The following NR3C2 variants were observed in gnomAD, a reference collection of about 807,000 sequenced individuals.
The protein encoded by NR3C2 is nuclear receptor subfamily 3 group C member 2.
NR3C2 carries 15 observed loss-of-function variants against 86.4 expected under a neutral mutation model. The observed-to-expected ratio is 0.17, with a 90% CI of 0.12 to 0.27. The LOEUF is 0.27. Among genes scored for constraint, NR3C2 ranks in the 10% least tolerant of loss-of-function variants. The probability of loss-of-function intolerance (pLI) is 1.00; values close to 1 mark genes in which losing one functional copy is unlikely to be tolerated. For synonymous variants in NR3C2, 458 were observed against 450.5 expected, an observed-to-expected ratio of 1.02 and a Z score of -0.21; for missense variants, 960 against 1,195.6, an observed-to-expected ratio of 0.80 and a Z score of 2.91.
chr4:148,239,478 T>C (rs1032774250), intron 3 of NR3C2, among the ~76,000 whole-genome samples: 8 of 152,120 alleles, frequency 5.3e-5, no homozygotes, highest in African/African-American at 1.9e-4. Context: ...CTGCCTCTGG[T>C]TGAAGGCTAT....
At chr4:148,279,786 C>T (rs549769291) in intron 2 of NR3C2, among the ~76,000 whole-genome samples, 5 of 152,000 alleles carry the variant, frequency 3.3e-5, no homozygotes, top group South Asian at 4.2e-4. Context: ...AGTGCAATGG[C>T]GTGATCTTGG....
intron 2 of NR3C2, among the ~76,000 whole-genome samples, chr4:148,319,958 T>G (rs1743468433): frequency 6.8e-6 from 1 of 146,434 alleles, no homozygotes; most frequent in Non-Finnish European, 1.5e-5. Flanking sequence ...CTTGTGCCAG[T>G]TTTCAAAGGG....
In NR3C2 at chr4:148,205,680, G is replaced by A. The variant is rs143538189; in HGVS notation, c.1898-10818C>T. 2.8e-3 allele frequency among the ~76,000 whole-genome samples: 434 copies of A among 152,320 alleles called. 5 individuals are homozygous for A. Among genetic ancestry groups the A allele is most frequent in the African/African-American group, 0.01 (418 of 41,586 alleles). ...ACTCATAATCCAGTGTGGGAGAGTG[G>A]CTCCTAAGCAAATTAAGCCCTGGGG... On this transcript the variant is annotated intron_variant, in intron 3 of 8. Coordinates refer to ENST00000358102, the MANE Select transcript of NR3C2 (RefSeq NM_000901.5).
chr4:148,250,482 C>T (rs1739524523), intron 3 of NR3C2, among the ~76,000 whole-genome samples: 1 of 152,148 alleles, frequency 6.6e-6, no homozygotes. Flanking sequence ...TCCATTGCTA[C>T]TGAGGGCCCA....
intron 6 of NR3C2, among the ~76,000 whole-genome samples, chr4:148,130,819 G>T (rs7673832): frequency 0.21 from 22,674 of 107,804 alleles, 3,752 homozygotes; most frequent in Non-Finnish European, 0.28. Flanking sequence ...GTTTTGTTTT[G>T]TTTTTTTTTT....
At chr4:148,368,052 G>A (rs772362071) in intron 2 of NR3C2, among the ~76,000 whole-genome samples, 7 of 151,936 alleles carry the variant, frequency 4.6e-5, no homozygotes, top group South Asian at 2.1e-4. Context: ...TCCCTTGGGC[G>A]CCACCATCCA....
chr4:148,102,282 C>G (rs370153724), intron 8 of NR3C2, among the ~76,000 whole-genome samples: 15 of 152,330 alleles, frequency 9.8e-5, no homozygotes, highest in African/African-American at 3.6e-4. Context: ...CCATCCACTC[C>G]CAGCTTCAGT....
intron 6 of NR3C2, among the ~76,000 whole-genome samples, chr4:148,126,395 G>T (rs1392149762): frequency 6.6e-6 from 1 of 152,144 alleles, no homozygotes; most frequent in Non-Finnish European, 1.5e-5. Context: ...CCAAGAAGGA[G>T]TCAAGTCTTA....
At chr4:148,353,125 C>G (rs1428136570) in intron 2 of NR3C2, among the ~76,000 whole-genome samples, 1 of 152,024 alleles carries the variant, frequency 6.6e-6, no homozygotes, top group African/African-American at 2.4e-5. Flanking sequence ...TAAGTAGACT[C>G]AATCTCAAAA....
At chr4:148,096,356 A>C (rs1437741166) in intron 8 of NR3C2, among the ~76,000 whole-genome samples, 1 of 152,234 alleles carries the variant, frequency 6.6e-6, no homozygotes, top group Non-Finnish European at 1.5e-5. Flanking sequence ...AATGTACACT[A>C]TGCTGAGCAA....
intron 4 of NR3C2, among the ~76,000 whole-genome samples, chr4:148,185,624 T>C (rs536978004): frequency 6.6e-6 from 1 of 152,326 alleles, no homozygotes; most frequent in South Asian, 2.1e-4. Flanking sequence ...TCGCATCTTC[T>C]AGCTACCCAA....
intron 2 of NR3C2, among the ~76,000 whole-genome samples, chr4:148,301,230 A>G (rs1330714661): frequency 1.3e-5 from 2 of 152,308 alleles, no homozygotes; most frequent in East Asian, 1.9e-4. Flanking sequence ...ATTAAAAAAA[A>G]GAGCTCTAAT....
chr4:148,082,876 T>C (rs1051119444), intron 8 of NR3C2, among the ~76,000 whole-genome samples: 1 of 151,826 alleles, frequency 6.6e-6, no homozygotes, highest in African/African-American at 2.4e-5. Context: ...TGCTCGAGCT[T>C]GGTGGGGGAA....
At chr4:148,354,021 T>C (rs1271023291) in intron 2 of NR3C2, among the ~76,000 whole-genome samples, 1 of 152,126 alleles carries the variant, frequency 6.6e-6, no homozygotes, top group East Asian at 1.9e-4. Flanking sequence ...ATTATACTGC[T>C]AGACATGTAC....
intron 2 of NR3C2, among the ~76,000 whole-genome samples, chr4:148,429,721 G>A (rs1749712527): frequency 6.6e-6 from 1 of 152,156 alleles, no homozygotes; most frequent in African/African-American, 2.4e-5. Context: ...TTAAAATGAA[G>A]ACGCTATCCA....
intron 2 of NR3C2, among the ~76,000 whole-genome samples, chr4:148,420,760 C>T (rs577756983): frequency 1.6e-4 from 24 of 152,150 alleles, no homozygotes; most frequent in Non-Finnish European, 2.5e-4. Context: ...GCACCATTCC[C>T]TTGCTGCTGT....
intron 2 of NR3C2, among the ~76,000 whole-genome samples, chr4:148,433,137 C>T (rs11730626): frequency 0.89 from 135,296 of 152,146 alleles, 60,251 homozygotes; most frequent in Middle Eastern, 0.94. Context: ...AGGCTATGCA[C>T]GGGTCATTGG....
chr4:148,089,259 C>T (rs1371246294), intron 8 of NR3C2, among the ~76,000 whole-genome samples: 1 of 152,192 alleles, frequency 6.6e-6, no homozygotes, highest in Non-Finnish European at 1.5e-5. Context: ...AATCAGCTAC[C>T]AAGGACTGTG....
intron 2 of NR3C2, among the ~76,000 whole-genome samples, chr4:148,412,275 G>A (rs934502391): frequency 6.6e-6 from 1 of 152,156 alleles, no homozygotes; most frequent in African/African-American, 2.4e-5. Context: ...GGTGGGTGGA[G>A]CTGTGCCATT....
Sources: allele counts gnomAD v4.1 joint callset (sites outside exome capture counted in the v4.1 genomes callset), GRCh38; gene constraint gnomAD v4.1.1; transcripts MANE v1.5; gene names NCBI Gene and HGNC (gene_info 2026-07-23, HGNC 2026-07-21).